The following MAU2 variants were observed in gnomAD, a reference collection of about 807,000 sequenced individuals.
MAU2 encodes MAU2 sister chromatid cohesion factor.
A neutral mutation model predicts 89.1 loss-of-function variants in MAU2; 9 were observed. That is an observed-to-expected ratio of 0.10 (90% CI 0.06 to 0.18). MAU2 has a LOEUF of 0.18. MAU2 is among the 10% of genes least tolerant of loss of function. MAU2 has a pLI of 1.00. For missense variants in MAU2, 425 were observed against 803.5 expected (o/e 0.53, Z 5.69); for synonymous variants, 357 against 343.4 (o/e 1.04, Z -0.44).
rs1242300690 is a variant in MAU2 at position 19,345,513 on chromosome 19, A to G, written c.1221+144A>G. ...AGAGGCAATGCACAGTAGTCAGCCC[A>G]TGCCAGCCTTGGCAGTGACGCGCTG... On this transcript the variant is annotated intron_variant, in intron 12 of 18. Coordinates refer to ENST00000262815, the MANE Select transcript of MAU2 (RefSeq NM_015329.4). The surrounding 1 kb of genome is among the most constrained non-coding windows in gnomAD (Gnocchi z 4.9). 14 of 782,428 alleles carry G rather than the reference A, an allele frequency of 1.8e-5. No homozygotes were observed. Among genetic ancestry groups the G allele is most frequent in the South Asian group, 6.2e-5 (4 of 64,188 alleles). The allele number at this position is 782,428 out of a possible 1,614,324, so 48.5% of individuals were successfully genotyped here.
Position 19,326,622 on chromosome 19 carries a change from CT to C in MAU2, c.276+5489del, listed in dbSNP as rs2061505765. Among the ~76,000 whole-genome samples, 4 of 149,698 alleles carry C rather than the reference CT, an allele frequency of 2.7e-5. No individual in the cohort carries two copies. In the South Asian group the frequency reaches 8.4e-4, roughly 32 times the overall value. On this transcript the variant is annotated intron_variant, in intron 1 of 18. Coordinates refer to ENST00000262815, the MANE Select transcript of MAU2 (RefSeq NM_015329.4). ...AATGGCGTGAACCCGGGCGGCGGAG[CT>C]TGCAGTGAGCTGAGATCGCGCCACT...
rs568666728 is a variant in MAU2, at chr19:19,337,997, C to G, written c.456+732C>G. Among the ~76,000 whole-genome samples the G allele has an allele frequency of 2.8e-4, 42 of 152,326 alleles. 1 individual carries two copies. Among genetic ancestry groups the G allele is most frequent in the Admixed American group, 7.2e-4 (11 of 15,312 alleles). On this transcript the variant is annotated intron_variant, in intron 4 of 18. Transcript: ENST00000262815. ...GCACTGGGGACCCTCAGGCGGGTGG[C>G]CGGCCCCCGGCCTCTCTCTTCCATG...
chr19:19,326,249 C>G (rs369436957), intron 1 of MAU2, among the ~76,000 whole-genome samples: 17 of 152,116 alleles, frequency 1.1e-4, no homozygotes, highest in African/African-American at 3.9e-4. Flanking sequence ...TTGAAAGAAT[C>G]ATCCATTAAA....
chr19:19,355,820 C>A lies in MAU2; in HGVS notation c.*38C>A, dbSNP rs373075390. ...GCCATCCAGCTCCGCAGGGCCTGCG[C>A]GTCTCCGGCTTCCACCCAGACGGCA... On this transcript the variant is annotated 3_prime_UTR_variant, in exon 19 of 19. Transcript: ENST00000262815. The A allele has an allele frequency of 2.5e-6, 4 of 1,570,410 alleles. No homozygotes were observed. Among genetic ancestry groups the A allele is most frequent in the Non-Finnish European group, 1.7e-6 (2 of 1,152,724 alleles).
rs1204460224 is a variant in MAU2 at position 19,357,837 on chromosome 19, T to G, written c.*2055T>G. 1 of 152,128 alleles carries G rather than the reference T, an allele frequency of 6.6e-6. No homozygotes were observed. The highest frequency in any genetic ancestry group is 2.4e-5 in the African/African-American group (1 of 41,426). The allele number at this position is 152,128 out of a possible 1,614,324, so 9.4% of individuals were successfully genotyped here. A position where few individuals can be genotyped will look rare whatever the true frequency, so the allele number is the denominator to read the frequency against. On this transcript the variant is annotated 3_prime_UTR_variant, in exon 19 of 19. Transcript: ENST00000262815. ...GCGTGTGTGCAAGCTTTGAACCTCCTTCCACAGCCGCATCTTCTCATGACA... is the reference window on the plus strand; with the variant it reads ...GCGTGTGTGCAAGCTTTGAACCTCCGTCCACAGCCGCATCTTCTCATGACA...
intron 4 of MAU2, among the ~76,000 whole-genome samples, chr19:19,337,729 T>A (rs2061608836): frequency 6.6e-6 from 1 of 152,214 alleles, no homozygotes; most frequent in South Asian, 2.1e-4. Flanking sequence ...TGTCAAGCAT[T>A]GTGTCCCACA....
rs7250368 is a variant in MAU2 at position 19,341,954 on chromosome 19, G to T, written c.735+547G>T. On this transcript the variant is annotated intron_variant, in intron 7 of 18. Transcript: ENST00000262815. Reference sequence around the variant, plus strand: ...TGTGCCACTCAGACCCACCCCTGTCGCAGTGGGCCACAGGCGAGTCTCCAC... The same window carrying T: ...TGTGCCACTCAGACCCACCCCTGTCTCAGTGGGCCACAGGCGAGTCTCCAC... 4.7e-3 allele frequency among the ~76,000 whole-genome samples: 722 copies of T among 152,158 alleles called. 3 individuals carry two copies. Among genetic ancestry groups the T allele is most frequent in the South Asian group, 0.03 (147 of 4,828 alleles).
At chr19:19,337,373 C>T (rs755138674) in intron 4 of MAU2, 108 bp downstream of exon 4, 29 of 833,898 alleles carry the variant, frequency 3.5e-5, no homozygotes, top group Non-Finnish European at 4.8e-5. Flanking sequence ...CAGACCCCCT[C>T]GGGCTGGCAC....
chr19:19,324,497 C>A (rs2061488558), intron 1 of MAU2, among the ~76,000 whole-genome samples: 3 of 152,198 alleles, frequency 2.0e-5, no homozygotes, highest in African/African-American at 7.2e-5. Context: ...CACCACCTGC[C>A]TTCCCTTGTC....
At chr19:19,341,476 G>A (rs1375948965) in intron 7 of MAU2, 69 bp downstream of exon 7, 4 of 1,573,622 alleles carry the variant, frequency 2.5e-6, no homozygotes, top group Non-Finnish European at 3.5e-6. Context: ...AGGCCAATGG[G>A]TCTTGGGCTG....
intron 9 of MAU2, 82 bp downstream of exon 9, chr19:19,342,948 CAG>C: frequency 6.8e-7 from 1 of 1,464,906 alleles, no homozygotes; most frequent in Non-Finnish European, 9.5e-7. Context: ...TACCAGGGCC[CAG>C]TGACCCTGTG....
chr19:19,327,526 C>G (rs537550549), intron 1 of MAU2, among the ~76,000 whole-genome samples: 2 of 151,874 alleles, frequency 1.3e-5, no homozygotes, highest in Non-Finnish European at 2.9e-5. Context: ...GGGGTTTCAC[C>G]GTGTTAGCCA....
In MAU2 at chr19:19,347,403, C is replaced by T. The variant is rs547448835; in HGVS notation, c.1308+37C>T. On this transcript the variant is annotated intron_variant, in intron 13 of 18. Coordinates refer to ENST00000262815, the MANE Select transcript of MAU2 (RefSeq NM_015329.4). ...GCTTCATGTTCGGTATCCTTTCTCT[C>T]TGTTCTCTTCTTTTTGGGGAACCAG... The T allele has an allele frequency of 1.2e-5, 19 of 1,524,366 alleles. No individual in the cohort carries two copies. The South Asian group carries it at 1.8e-4, about 14-fold the overall frequency. 94.4% of individuals were successfully genotyped at this position (1,524,366 alleles called of 1,614,324 possible). A position where few individuals can be genotyped will look rare whatever the true frequency, so the allele number is the denominator to read the frequency against.
chr19:19,339,286 A>G (rs2061621355), intron 5 of MAU2, among the ~76,000 whole-genome samples: 1 of 152,116 alleles, frequency 6.6e-6, no homozygotes, highest in Non-Finnish European at 1.5e-5. Flanking sequence ...GTTTCTACTA[A>G]AAATACAAAA....
chr19:19,326,878 C>T (rs543554558), intron 1 of MAU2, among the ~76,000 whole-genome samples: 3 of 150,046 alleles, frequency 2.0e-5, no homozygotes, highest in Non-Finnish European at 4.4e-5. Flanking sequence ...GACAACAGAC[C>T]GAGACCCTGT....
chr19:19,332,696 G>C (rs990172126), intron 1 of MAU2, among the ~76,000 whole-genome samples: 3 of 152,142 alleles, frequency 2.0e-5, no homozygotes, highest in Admixed American at 2.0e-4. Flanking sequence ...AGGGGAGATG[G>C]GATCCTCTCT....
chr19:19,347,201 A>G (rs1191095692), intron 12 of MAU2, 79 bp from the exon 13 acceptor site: 2 of 835,176 alleles, frequency 2.4e-6, no homozygotes, highest in Non-Finnish European at 4.2e-6. Context: ...GTCTCCGTGG[A>G]GATTGTGGGT....
chr19:19,347,411 T>C, intron 13 of MAU2, 45 bp downstream of exon 13: 1 of 1,504,428 alleles, frequency 6.6e-7, no homozygotes, highest in South Asian at 1.1e-5. Context: ...CTCTGTTCTC[T>C]TCTTTTTGGG....
At chr19:19,343,216 C>T (rs2061666906) in intron 9 of MAU2, among the ~76,000 whole-genome samples, 1 of 152,220 alleles carries the variant, frequency 6.6e-6, no homozygotes, top group African/African-American at 2.4e-5. Flanking sequence ...CCAGCATGTC[C>T]TTTGGAGGTC....
Sources: gnomAD v4.1 joint callset for allele counts (sites outside exome capture counted in the v4.1 genomes callset) on GRCh38, gnomAD v4.1.1 for gene constraint, Gnocchi (gnomAD v3.1) non-coding constraint, MANE v1.5 for transcripts, NCBI Gene and HGNC (gene_info 2026-07-23, HGNC 2026-07-21) for gene names.